Variants in DEF6 observed in about 807,000 individuals in gnomAD.
DEF6 encodes DEF6 guanine nucleotide exchange factor.
Under a neutral mutation model 80.5 loss-of-function variants are expected in DEF6, and 32 were observed. The ratio of observed to expected loss-of-function variants is 0.40; its 90% CI spans 0.30 to 0.53. The LOEUF (loss-of-function observed/expected upper bound fraction) is 0.53. DEF6 is among the 20% of genes least tolerant of loss of function. The pLI, the probability that DEF6 is intolerant of heterozygous loss-of-function variation, is 0.57. For synonymous variants in DEF6, 300 were observed against 337.9 expected (o/e 0.89, Z 1.23); for missense variants, 575 against 818.7 (o/e 0.70, Z 3.63).
At position 35,321,216 on chromosome 6, in the gene DEF6, T is replaced by G. The variant is rs773839302; in HGVS notation, c.1702T>G (p.Ser568Ala). 1 of 1,612,928 alleles carries G rather than the reference T, an allele frequency of 6.2e-7. No individual in the cohort carries two copies. The highest frequency in any genetic ancestry group is 8.5e-7 in the Non-Finnish European group (1 of 1,179,956). Residue 568 changes from serine to alanine, a missense_variant, in exon 11 of 11, where the codon TCA becomes GCA. Coordinates refer to ENST00000316637, the MANE Select transcript of DEF6 (RefSeq NM_022047.4). ...DKRPVTSSSF[S>A]GFQPPLLAHR... ...GCGTCCGGTCACCAGCAGCTCCTTCTCAGGCTTCCAGCCCCCTCTGCTTGC... is the reference window on the plus strand; with the variant it reads ...GCGTCCGGTCACCAGCAGCTCCTTCGCAGGCTTCCAGCCCCCTCTGCTTGC...
At chr6:35,306,757 C>T (rs980851509) in intron 1 of DEF6, among the ~76,000 whole-genome samples, 3 of 152,314 alleles carry the variant, frequency 2.0e-5, no homozygotes, top group Middle Eastern at 6.8e-3. Context: ...GTGTAGTATG[C>T]ATATCTTTCA....
In DEF6 at chr6:35,318,547, G is replaced by A. The variant is rs1222115625; in HGVS notation, c.1215+76G>A. 3.1e-5 allele frequency: 41 copies of A among 1,318,718 alleles called. No individual in the cohort carries two copies. In the East Asian group the frequency reaches 1.2e-3, roughly 38 times the overall value. The allele number at this position is 1,318,718 out of a possible 1,614,324, so 81.7% of individuals were successfully genotyped here. A position where few individuals can be genotyped will look rare whatever the true frequency, so the allele number is the denominator to read the frequency against. ...GCCAGGGGCGGAGCGCCGGGGGCGG[G>A]GCCTGGGCAGAGGGCGGAGCTCCTG... On this transcript the variant is annotated intron_variant, in intron 7 of 10. Transcript: ENST00000316637. This position sits in a 1 kb window ranked among gnomAD's most constrained non-coding sequence, Gnocchi z 5.1.
chr6:35,320,246 G>A (rs1791574177), intron 9 of DEF6, among the ~76,000 whole-genome samples: 1 of 152,232 alleles, frequency 6.6e-6, no homozygotes, highest in Admixed American at 6.5e-5. Flanking sequence ...CGTAGTAAGT[G>A]CTGAAGAAAC....
At position 35,321,333 on chromosome 6, in the gene DEF6, C is replaced by A; in HGVS notation, c.1819C>A (p.Leu607Ile). Residue 607 changes from leucine to isoleucine, a missense_variant, in exon 11 of 11, where the codon CTC becomes ATC. Leu to Ile is a conservative substitution (Grantham distance 5). Coordinates refer to ENST00000316637, the MANE Select transcript of DEF6 (RefSeq NM_022047.4). ...CAACAGCAATGAGCAGCAGAAGTCCCTCAATGGTGGGGATGAGGCTCCTGC... is the reference window on the plus strand; with the variant it reads ...CAACAGCAATGAGCAGCAGAAGTCCATCAATGGTGGGGATGAGGCTCCTGC... ...SPNSNEQQKSLNGGDEAPAPA... is the reference protein window; with the variant it reads ...SPNSNEQQKSINGGDEAPAPA... 1 of 1,614,158 alleles carries A rather than the reference C, an allele frequency of 6.2e-7. No individual in the cohort carries two copies. The highest frequency in any genetic ancestry group is 1.1e-5 in the South Asian group (1 of 91,082).
Position 35,312,402 on chromosome 6 carries a change from C to T in DEF6, c.524C>T (p.Thr175Ile), listed in dbSNP as rs1372917360. 3.7e-6 allele frequency: 6 copies of T among 1,614,176 alleles called. No homozygotes were observed. Among genetic ancestry groups the T allele is most frequent in the Non-Finnish European group, 5.1e-6 (6 of 1,180,030 alleles). The change falls in exon 4 of 11, where the codon ACC (threonine) becomes ATC (isoleucine). Residue 175 changes from threonine to isoleucine, a missense_variant. Transcript: ENST00000316637. This position sits in a 1 kb window ranked among gnomAD's most constrained non-coding sequence, Gnocchi z 6.6. ...GCCCAGGAGGCCCAGGTGGCCCAGACCACCGGGGGGCTCAGCGTCTGGCAG... is the reference window on the plus strand; with the variant it reads ...GCCCAGGAGGCCCAGGTGGCCCAGATCACCGGGGGGCTCAGCGTCTGGCAG... ...LLAQEAQVAQ[T>I]TGGLSVWQFL... is the part of the protein sequence containing the mutation.
Position 35,318,090 on chromosome 6 carries a change from T to C in DEF6, c.917-83T>C. ...GATAATACTTTGTCCAGCGGGAGGTTGGAGAGTGGACTCGGGAAACTCCTA... is the reference window on the plus strand; with the variant it reads ...GATAATACTTTGTCCAGCGGGAGGTCGGAGAGTGGACTCGGGAAACTCCTA... On this transcript the variant is annotated intron_variant, in intron 6 of 10. Transcript: ENST00000316637. The surrounding 1 kb of genome is among the most constrained non-coding windows in gnomAD (Gnocchi z 5.1). 1 of 1,543,148 alleles carries C rather than the reference T, an allele frequency of 6.5e-7. No homozygotes were observed. Among genetic ancestry groups the C allele is most frequent in the Non-Finnish European group, 8.7e-7 (1 of 1,143,852 alleles).
At chr6:35,306,201 A>T (rs1217346382) in intron 1 of DEF6, among the ~76,000 whole-genome samples, 3 of 150,114 alleles carry the variant, frequency 2.0e-5, no homozygotes, top group East Asian at 2.0e-4. Context: ...GCCCAAAAAA[A>T]TTTTGAAGTA....
At chr6:35,304,454 C>T (rs1264523700) in intron 1 of DEF6, among the ~76,000 whole-genome samples, 1 of 152,236 alleles carries the variant, frequency 6.6e-6, no homozygotes, top group Non-Finnish European at 1.5e-5. Context: ...ATATTCCAGG[C>T]TGCAGGAACA....
chr6:35,319,944 G>A lies in DEF6; in HGVS notation c.1508G>A (p.Arg503His), dbSNP rs779878203. The stretch of plus-strand genomic sequence containing the variant: ...CAGCAGGAGATGGCACAGCAGAGCC[G>A]CTCCCTGCAGCAGGCCCAGCAGCAG... ...ELQQEMAQQSRSLQQAQQQLE... is the reference protein window; with the variant it reads ...ELQQEMAQQSHSLQQAQQQLE... The change falls in exon 9 of 11, where the codon CGC (arginine) becomes CAC (histidine). Residue 503 changes from arginine (R) to histidine (H), a missense_variant. Coordinates refer to ENST00000316637, the MANE Select transcript of DEF6 (RefSeq NM_022047.4). This position sits in a 1 kb window ranked among gnomAD's most constrained non-coding sequence, Gnocchi z 4.5. The A allele has an allele frequency of 1.3e-6, 2 of 1,566,928 alleles. No homozygotes were observed. Among genetic ancestry groups the A allele is most frequent in the South Asian group, 1.2e-5 (1 of 85,252 alleles).
chr6:35,309,601 G>T, intron 1 of DEF6, 69 bp from the exon 2 acceptor site: 6 of 1,566,402 alleles, frequency 3.8e-6, no homozygotes, highest in Non-Finnish European at 5.2e-6. Context: ...CAGAGAGGTG[G>T]GGAGCAGTCC....
In DEF6 at chr6:35,318,955, T is replaced by G. The variant is rs183001693; in HGVS notation, c.1215+484T>G. Among the ~76,000 whole-genome samples, 47 of 152,240 alleles carry G rather than the reference T, an allele frequency of 3.1e-4. No homozygotes were observed. The East Asian group carries it at 7.7e-3, about 25-fold the overall frequency. On this transcript the variant is annotated intron_variant, in intron 7 of 10. Coordinates refer to ENST00000316637, the MANE Select transcript of DEF6 (RefSeq NM_022047.4). The surrounding 1 kb of genome is among the most constrained non-coding windows in gnomAD (Gnocchi z 5.1). ...ACCTGGATCTGGAGTCAGAAACACGTAGATTCAATCCTAGCTCTGCTTCTT... is the reference window on the plus strand; with the variant it reads ...ACCTGGATCTGGAGTCAGAAACACGGAGATTCAATCCTAGCTCTGCTTCTT...
At chr6:35,317,370 A>G (rs1166560687) in intron 5 of DEF6, among the ~76,000 whole-genome samples, 2 of 152,250 alleles carry the variant, frequency 1.3e-5, no homozygotes, top group Non-Finnish European at 2.9e-5. Flanking sequence ...TGCATATAAA[A>G]TACTAGTACA....
Position 35,319,488 on chromosome 6 carries a change from A to C in DEF6, c.1216-36A>C. ...CCTCCGCCCCCACGTGCCCCTTTTG[A>C]CCTGGCTCTTGGTCCACCACCTCCC... On this transcript the variant is annotated intron_variant, in intron 7 of 10. Transcript: ENST00000316637. This position sits in a 1 kb window ranked among gnomAD's most constrained non-coding sequence, Gnocchi z 4.5. The C allele has an allele frequency of 1.5e-6, 2 of 1,315,458 alleles. No individual in the cohort carries two copies. The highest frequency in any genetic ancestry group is 3.6e-5 in the East Asian group (1 of 27,618). The allele number at this position is 1,315,458 out of a possible 1,614,324, so 81.5% of individuals were successfully genotyped here.
chr6:35,298,010 G>A lies in DEF6; in HGVS notation c.96+58G>A, dbSNP rs148059376. Reference sequence around the variant, plus strand: ...CAGATGCACCACACCAGCCCCTGCCGCCTGGGAGCCAGGTGTGGACACTGT... The same window carrying A: ...CAGATGCACCACACCAGCCCCTGCCACCTGGGAGCCAGGTGTGGACACTGT... On this transcript the variant is annotated intron_variant, in intron 1 of 10. Coordinates refer to ENST00000316637, the MANE Select transcript of DEF6 (RefSeq NM_022047.4). 762 of 1,432,924 alleles carry A rather than the reference G, an allele frequency of 5.3e-4. 5 individuals are homozygous for A. In the East Asian group the frequency reaches 0.014, roughly 26 times the overall value. 88.8% of individuals were successfully genotyped at this position (1,432,924 alleles called of 1,614,324 possible). A position where few individuals can be genotyped will look rare whatever the true frequency, so the allele number is the denominator to read the frequency against.
chr6:35,315,756 G>A (rs866352775), intron 5 of DEF6, among the ~76,000 whole-genome samples: 1 of 151,280 alleles, frequency 6.6e-6, no homozygotes, highest in Non-Finnish European at 1.5e-5. Context: ...TGCTGTTAGC[G>A]TATACAAATG....
At chr6:35,308,716 ATAAAATAAAAT>A (rs1461258667) in intron 1 of DEF6, among the ~76,000 whole-genome samples, 1 of 147,802 alleles carries the variant, frequency 6.8e-6, no homozygotes. Context: ...ATAAAATAAA[ATAAAATAAAAT>A]AAATAAAATA....
chr6:35,314,585 A>G (rs191737149), intron 5 of DEF6, among the ~76,000 whole-genome samples: 3 of 152,102 alleles, frequency 2.0e-5, no homozygotes, highest in Non-Finnish European at 4.4e-5. Flanking sequence ...ATATCTATTC[A>G]GATCTTTTGC....
rs751003382 is a variant in DEF6 at position 35,320,998 on chromosome 6, C to A, written c.1672+24C>A. On this transcript the variant is annotated intron_variant, in intron 10 of 10. Transcript: ENST00000316637. ...AGGTGAGAAGGAATAGACTCTGGAG[C>A]TTTCCCTGGAGCTGGGAGGGAGAAA... 2.5e-6 allele frequency: 4 copies of A among 1,609,730 alleles called. No homozygotes were observed. The African/African-American group carries it at 5.3e-5, about 22-fold the overall frequency.
Position 35,300,625 on chromosome 6 carries a change from A to G in DEF6, c.96+2673A>G, listed in dbSNP as rs73745184. Among the ~76,000 whole-genome samples, 868 of 152,342 alleles carry G rather than the reference A, an allele frequency of 5.7e-3. 8 individuals are homozygous for G. The highest frequency in any genetic ancestry group is 0.017 in the African/African-American group (687 of 41,578). On this transcript the variant is annotated intron_variant, in intron 1 of 10. Coordinates refer to ENST00000316637, the MANE Select transcript of DEF6 (RefSeq NM_022047.4). ...TCTTTGAATTCTTGTAGAAAGTACA[A>G]TGGCTTCATCCAGTTGGGTTGAGAA... is the stretch of plus-strand genomic sequence containing the variant.
Sources: gnomAD v4.1 joint callset for allele counts (sites outside exome capture counted in the v4.1 genomes callset) on GRCh38, gnomAD v4.1.1 for gene constraint, Gnocchi (gnomAD v3.1) non-coding constraint, MANE v1.5 for transcripts, NCBI Gene and HGNC (gene_info 2026-07-23, HGNC 2026-07-21) for gene names.